PDE8B: variants seen among roughly 807,000 people sequenced by gnomAD.
PDE8B encodes phosphodiesterase 8B.
Under a neutral mutation model 101.3 loss-of-function variants are expected in PDE8B, and 26 were observed. The ratio of observed to expected loss-of-function variants is 0.26; its 90% CI spans 0.19 to 0.36. The LOEUF is 0.36. Ranked by LOEUF, PDE8B falls within the 10% of genes least tolerant of loss-of-function variation. PDE8B has a pLI of 1.00. For synonymous variants in PDE8B, 424 were observed against 429.3 expected (o/e 0.99, Z 0.15); for missense variants, 810 against 1,163.1 (o/e 0.70, Z 4.42).
intron 3 of PDE8B, among the ~76,000 whole-genome samples, chr5:77,326,341 C>T (rs1448876392): frequency 2.6e-5 from 4 of 152,146 alleles, no homozygotes; most frequent in Non-Finnish European, 5.9e-5. Context: ...ATTCATTTAG[C>T]AGAAGTGGAA....
intron 1 of PDE8B, among the ~76,000 whole-genome samples, chr5:77,212,662 G>A (rs528850268): frequency 6.6e-6 from 1 of 152,248 alleles, no homozygotes; most frequent in East Asian, 1.9e-4. Flanking sequence ...CTAGAGTCTA[G>A]GATTTATGAC....
chr5:77,360,300 C>G (rs934545546), intron 10 of PDE8B, among the ~76,000 whole-genome samples: 3 of 152,016 alleles, frequency 2.0e-5, no homozygotes, highest in African/African-American at 7.2e-5. Flanking sequence ...TTCTACATGA[C>G]TTGTGTCATT....
chr5:77,211,237 G>C lies in PDE8B; in HGVS notation c.312G>C (p.Glu104Asp). ...RRHCCSSAEA[E>D]TQTCYTSVKQ... Reference sequence around the variant, plus strand: ...ACTGCTGCAGCAGCGCCGAGGCCGAGACTCAGACCTGCTACACCAGCGTGA... The same window carrying C: ...ACTGCTGCAGCAGCGCCGAGGCCGACACTCAGACCTGCTACACCAGCGTGA... The change falls in exon 1 of 22, where the codon GAG becomes GAC. Residue 104 changes from glutamate (E) to aspartate (D), a missense_variant. Coordinates refer to ENST00000264917, the MANE Select transcript of PDE8B (RefSeq NM_003719.5). The surrounding 1 kb of genome is among the most constrained non-coding windows in gnomAD (Gnocchi z 4.1). 6.3e-7 allele frequency: 1 copy of C among 1,576,312 alleles called. No homozygotes were observed. The highest frequency in any genetic ancestry group is 8.6e-7 in the Non-Finnish European group (1 of 1,169,468).
the PDE8B span, among the ~76,000 whole-genome samples, chr5:77,098,126 CAAAAT>C: frequency 6.6e-6 from 1 of 152,082 alleles, no homozygotes; most frequent in African/African-American, 2.4e-5. Flanking sequence ...AAACGTATGT[CAAAAT>C]AAAGAGGCTT....
the PDE8B span, among the ~76,000 whole-genome samples, chr5:77,102,744 G>T: frequency 6.6e-6 from 1 of 152,246 alleles, no homozygotes; most frequent in Non-Finnish European, 1.5e-5. Flanking sequence ...AGAGTCAGGG[G>T]TTTTTTGGTC....
Position 77,427,002 on chromosome 5 carries a change from G to A in PDE8B, c.*448G>A. Reference sequence around the variant, plus strand: ...TTTTCCTCAAGAACATCGATCTGAAGGATTCATAAGGAGCTTATCTGAACA... The same window carrying A: ...TTTTCCTCAAGAACATCGATCTGAAAGATTCATAAGGAGCTTATCTGAACA... On this transcript the variant is annotated 3_prime_UTR_variant, in exon 22 of 22. Coordinates refer to ENST00000264917, the MANE Select transcript of PDE8B (RefSeq NM_003719.5). 5.5e-6 allele frequency: 1 copy of A among 182,724 alleles called. No individual in the cohort carries two copies. 11.3% of individuals were successfully genotyped at this position (182,724 alleles called of 1,614,324 possible).
the PDE8B span, among the ~76,000 whole-genome samples, chr5:77,131,631 A>C: frequency 6.6e-6 from 1 of 152,246 alleles, no homozygotes; most frequent in Non-Finnish European, 1.5e-5. Flanking sequence ...TGACATTTTC[A>C]CTATTTGCTG....
chr5:77,426,362 C>T, intron 21 of PDE8B, 83 bp from the exon 22 acceptor site: 1 of 870,816 alleles, frequency 1.1e-6, no homozygotes, highest in East Asian at 2.6e-5. Flanking sequence ...TGATCCCAAA[C>T]TTGTCCCAGA....
intron 10 of PDE8B, among the ~76,000 whole-genome samples, chr5:77,393,529 AAAAT>A (rs1168832373): frequency 6.6e-6 from 1 of 152,228 alleles, no homozygotes; most frequent in African/African-American, 2.4e-5. Flanking sequence ...TGAAAAATAA[AAAAT>A]AAAAAAATTA....
intron 18 of PDE8B, among the ~76,000 whole-genome samples, chr5:77,418,854 G>T (rs1796079915): frequency 6.6e-6 from 1 of 152,182 alleles, no homozygotes; most frequent in Admixed American, 6.5e-5. Context: ...AGCACGAAGG[G>T]TGGGGCAGGT....
chr5:77,182,579 A>G, the PDE8B span, among the ~76,000 whole-genome samples: 2 of 152,088 alleles, frequency 1.3e-5, no homozygotes, highest in Non-Finnish European at 2.9e-5. Context: ...TGCAGAGCTC[A>G]TGGAGGCCGC....
intron 16 of PDE8B, 130 bp from the exon 17 acceptor site, chr5:77,412,981 T>A (rs113318888): frequency 0.015 from 11,713 of 789,850 alleles, 139 homozygotes; most frequent in Non-Finnish European, 0.021. Context: ...TTAGAGGAGA[T>A]GCTTTTAAAC....
At chr5:77,356,139 C>A (rs1246997444) in intron 10 of PDE8B, among the ~76,000 whole-genome samples, 1 of 152,226 alleles carries the variant, frequency 6.6e-6, no homozygotes, top group East Asian at 1.9e-4. Flanking sequence ...CTGCCCTGAC[C>A]TCCCAGAAGT....
At chr5:77,223,280 A>G (rs185456367) in intron 1 of PDE8B, among the ~76,000 whole-genome samples, 6 of 151,798 alleles carry the variant, frequency 4.0e-5, no homozygotes, top group Admixed American at 2.0e-4. Flanking sequence ...CATGTGCACA[A>G]TGTGCAGGTT....
intron 10 of PDE8B, among the ~76,000 whole-genome samples, chr5:77,370,177 A>G (rs373534974): frequency 1.3e-5 from 2 of 152,220 alleles, no homozygotes; most frequent in East Asian, 1.9e-4. Flanking sequence ...AAATTAACAT[A>G]CAAAGAAATG....
intron 20 of PDE8B, among the ~76,000 whole-genome samples, chr5:77,422,739 A>G (rs1796940644): frequency 1.4e-5 from 1 of 69,836 alleles, no homozygotes; most frequent in Non-Finnish European, 3.8e-5. Context: ...TGGGTGACAA[A>G]CAAGCAGCCA....
chr5:77,379,520 A>G (rs1401523773), intron 10 of PDE8B, among the ~76,000 whole-genome samples: 4 of 152,206 alleles, frequency 2.6e-5, no homozygotes. Flanking sequence ...TATCAGAATC[A>G]GCACCCATGT....
chr5:77,182,660 A>T, the PDE8B span, among the ~76,000 whole-genome samples: 1 of 152,158 alleles, frequency 6.6e-6, no homozygotes, highest in Non-Finnish European at 1.5e-5. Flanking sequence ...TCAGAAAAGC[A>T]GCTTATCAGT....
At chr5:77,181,367 G>A in the PDE8B span, among the ~76,000 whole-genome samples, 41 of 152,146 alleles carry the variant, frequency 2.7e-4, no homozygotes, top group South Asian at 3.7e-3. Context: ...TCTGAACTTG[G>A]GGGCGTTCCG....
Sources: gnomAD v4.1 joint callset for allele counts (sites outside exome capture counted in the v4.1 genomes callset) on GRCh38, gnomAD v4.1.1 for gene constraint, Gnocchi (gnomAD v3.1) non-coding constraint, MANE v1.5 for transcripts, NCBI Gene and HGNC (gene_info 2026-07-23, HGNC 2026-07-21) for gene names.